The following ESCO1 variants were observed in gnomAD, a reference collection of about 807,000 sequenced individuals.
ESCO1 encodes N-acetyltransferase ESCO1.
ESCO1 carries 33 observed loss-of-function variants against 83.5 expected under a neutral mutation model. The ratio of observed to expected loss-of-function variants is 0.40; its 90% CI spans 0.30 to 0.53. ESCO1 has a LOEUF of 0.53. Among genes scored for constraint, ESCO1 ranks in the 20% least tolerant of loss-of-function variants. The pLI is 0.63. For missense variants in ESCO1, 855 were observed against 968.0 expected, an observed-to-expected ratio of 0.88 and a Z score of 1.55; for synonymous variants, 332 against 324.3, an observed-to-expected ratio of 1.02 and a Z score of -0.25.
chr18:21,554,995 T>C (rs1598460518), intron 8 of ESCO1, among the ~76,000 whole-genome samples: 1 of 149,970 alleles, frequency 6.7e-6, no homozygotes, highest in Non-Finnish European at 1.5e-5. Context: ...ACTCCGGAGG[T>C]TGAGGCAGGA....
chr18:21,568,769 G>A (rs2038297855), intron 4 of ESCO1, among the ~76,000 whole-genome samples: 1 of 152,050 alleles, frequency 6.6e-6, no homozygotes, highest in Admixed American at 6.6e-5. Context: ...TGGGCGTGAT[G>A]GCAAGCACCT....
At position 21,564,224 on chromosome 18, in the gene ESCO1, A is replaced by G; in HGVS notation, c.1800T>C (p.Thr600=). The G allele has an allele frequency of 2.5e-6, 4 of 1,604,162 alleles. No individual in the cohort carries two copies. The highest frequency in any genetic ancestry group is 3.4e-6 in the Non-Finnish European group (4 of 1,173,972). Residue 600 remains threonine, a synonymous_variant, in exon 7 of 12, where the codon ACT becomes ACC. Coordinates refer to ENST00000269214, the MANE Select transcript of ESCO1 (RefSeq NM_052911.3). ...TTACTATAATCAACTGTTTTTCATC[A>G]GTTTTCTCTGCTTCTTTTAGTTTCA... ...KDLKLKEAEK[T]DEKQLIIDAG... is the part of the protein sequence containing the mutation.
intron 9 of ESCO1, 70 bp from the exon 10 acceptor site, chr18:21,536,255 GT>G: frequency 4.7e-6 from 7 of 1,491,282 alleles, no homozygotes; most frequent in Non-Finnish European, 6.3e-6. Context: ...CACTATTTCA[GT>G]TCAGTAGATC....
intron 8 of ESCO1, among the ~76,000 whole-genome samples, chr18:21,546,141 T>C (rs1219599811): frequency 6.6e-6 from 1 of 152,190 alleles, no homozygotes; most frequent in African/African-American, 2.4e-5. Flanking sequence ...GTAAGGAGGA[T>C]TTCAAAAATC....
chr18:21,573,696 C>T lies in ESCO1; in HGVS notation c.1148G>A (p.Ser383Asn). 1 of 1,614,100 alleles carries T rather than the reference C, an allele frequency of 6.2e-7. No homozygotes were observed. The highest frequency in any genetic ancestry group is 1.1e-5 in the South Asian group (1 of 91,054). The change falls in exon 4 of 12, where the codon AGC becomes AAC. Residue 383 changes from serine to asparagine, a missense_variant. By Grantham distance (46) the Ser-to-Asn change is conservative (BLOSUM62 1). This residue lies in a region of ESCO1 where 726 missense variants were observed against 699.5 expected (regional missense o/e 1.04). Coordinates refer to ENST00000269214, the MANE Select transcript of ESCO1 (RefSeq NM_052911.3). ...CCAGTTGGAGTTCTTCTTGGCTGAG[C>T]TGTTTATTCCATTTAGTATACATTT... is the stretch of plus-strand genomic sequence containing the variant. Reference protein sequence around the residue: ...PVKCILNGINSSAKKNSNWTK... With the variant: ...PVKCILNGINNSAKKNSNWTK...
At chr18:21,576,341 C>G (rs1436403192) in intron 2 of ESCO1, among the ~76,000 whole-genome samples, 1 of 152,022 alleles carries the variant, frequency 6.6e-6, no homozygotes, top group African/African-American at 2.4e-5. Context: ...TCTGTCTCTA[C>G]AAAAATTAAA....
intron 1 of ESCO1, among the ~76,000 whole-genome samples, chr18:21,592,687 G>A (rs1311124427): frequency 6.0e-5 from 9 of 151,110 alleles, no homozygotes; most frequent in African/African-American, 9.7e-5. Context: ...GGCAGCTGCC[G>A]GGCGGAGACG....
chr18:21,532,804 A>G (rs981304134), intron 10 of ESCO1, 144 bp from the exon 11 acceptor site: 11 of 704,410 alleles, frequency 1.6e-5, no homozygotes, highest in African/African-American at 1.4e-4. Flanking sequence ...TTTAGGAAAC[A>G]GACAATCTGG....
chr18:21,590,668 C>T (rs1048637217), intron 1 of ESCO1, among the ~76,000 whole-genome samples: 1 of 151,906 alleles, frequency 6.6e-6, no homozygotes, highest in Non-Finnish European at 1.5e-5. Context: ...AATTCACTCT[C>T]GGCCAGGCAA....
chr18:21,564,557 A>AT (rs35032343), intron 6 of ESCO1, among the ~76,000 whole-genome samples: 1 of 147,094 alleles, frequency 6.8e-6, no homozygotes, highest in African/African-American at 2.5e-5. Context: ...CGCCCAGCTA[A>AT]TTTTTTTTTT....
intron 8 of ESCO1, among the ~76,000 whole-genome samples, chr18:21,550,558 T>C (rs887006608): frequency 1.3e-5 from 2 of 152,226 alleles, no homozygotes; most frequent in Admixed American, 6.5e-5. Context: ...AAGAAATACT[T>C]TATTTGATGT....
intron 9 of ESCO1, 34 bp downstream of exon 9, chr18:21,539,886 A>G: frequency 1.9e-6 from 3 of 1,549,560 alleles, no homozygotes; most frequent in Non-Finnish European, 1.8e-6. Context: ...AAATGATATT[A>G]TCCACTCTAC....
rs184055482 is a variant in ESCO1 at position 21,582,741 on chromosome 18, A to G, written c.-694+1569T>C. ...TAATACAAATTAAAACCAACACAAAATATCATTTTTCACCTATCAAACTGG... is the reference window on the plus strand; with the variant it reads ...TAATACAAATTAAAACCAACACAAAGTATCATTTTTCACCTATCAAACTGG... On this transcript the variant is annotated intron_variant, in intron 2 of 11. Coordinates refer to ENST00000269214, the MANE Select transcript of ESCO1 (RefSeq NM_052911.3). 2.0e-4 allele frequency among the ~76,000 whole-genome samples: 30 copies of G among 152,378 alleles called. No individual in the cohort carries two copies. The East Asian group carries it at 5.4e-3, about 27-fold the overall frequency.
chr18:21,589,458 A>G (rs1384903628), intron 1 of ESCO1, among the ~76,000 whole-genome samples: 3 of 151,828 alleles, frequency 2.0e-5, no homozygotes, highest in Non-Finnish European at 4.4e-5. Context: ...CTCCTATCCA[A>G]TCGTCTTGTA....
chr18:21,553,461 AAAAAAAAAAAAAAAAT>A (rs2038071133), intron 8 of ESCO1, among the ~76,000 whole-genome samples: 1 of 151,396 alleles, frequency 6.6e-6, no homozygotes, highest in African/African-American at 2.4e-5. Context: ...AAAAAAAAAA[AAAAAAAAAAAAAAAAT>A]TTTTTTTGAA....
At position 21,573,513 on chromosome 18, in the gene ESCO1, T is replaced by C. The variant is rs766382958; in HGVS notation, c.1331A>G (p.His444Arg). 13 of 1,613,624 alleles carry C rather than the reference T, an allele frequency of 8.1e-6. No homozygotes were observed. Among genetic ancestry groups the C allele is most frequent in the Non-Finnish European group, 5.9e-6 (7 of 1,179,920 alleles). The change falls in exon 4 of 12, where the codon CAT (histidine) becomes CGT (arginine). Residue 444 changes from histidine to arginine, a missense_variant. His to Arg is a conservative substitution (Grantham distance 29). Transcript: ENST00000269214. ...CTGCTGGCAAGTTATATTTCTATCA[T>C]GTAGCTTTGTCCCTAAAAACGTACT... ...TQSTFLGTKL[H>R]DRNITCQQEK...
chr18:21,598,268 A>G (rs1157342215), intron 1 of ESCO1, among the ~76,000 whole-genome samples: 1 of 152,272 alleles, frequency 6.6e-6, no homozygotes, highest in African/African-American at 2.4e-5. Context: ...TCAGCTCTGC[A>G]TAATAAATTA....
intron 1 of ESCO1, among the ~76,000 whole-genome samples, chr18:21,590,662 C>T (rs1368471297): frequency 1.3e-5 from 2 of 151,826 alleles, no homozygotes; most frequent in Non-Finnish European, 1.5e-5. Context: ...ATTGAAAATT[C>T]ACTCTCGGCC....
intron 8 of ESCO1, among the ~76,000 whole-genome samples, chr18:21,544,261 G>A (rs376520690): frequency 3.9e-4 from 59 of 151,002 alleles, no homozygotes; most frequent in East Asian, 7.9e-4. Flanking sequence ...GCGACAGAGC[G>A]AGACTCCAAC....
Sources: allele counts gnomAD v4.1 joint callset (sites outside exome capture counted in the v4.1 genomes callset), GRCh38; gene constraint gnomAD v4.1.1; regional missense constraint gnomAD v4.1.1; transcripts MANE v1.5; gene names NCBI Gene and HGNC (gene_info 2026-07-23, HGNC 2026-07-21).